MTUS2: variants seen among roughly 807,000 people sequenced by gnomAD.
MTUS2 encodes the protein microtubule associated scaffold protein 2, also known as microtubule-associated tumor suppressor candidate 2.
In MTUS2, 40 loss-of-function variants were observed where a neutral mutation model predicts 114.1. That is an observed-to-expected ratio of 0.35 (90% CI 0.27 to 0.46). The LOEUF is 0.46. Ranked by LOEUF, MTUS2 falls within the 20% of genes least tolerant of loss-of-function variation. MTUS2 has a pLI of 1.00. For synonymous variants in MTUS2, 688 were observed against 672.0 expected, an observed-to-expected ratio of 1.02 and a Z score of -0.37; for missense variants, 1,679 against 1,705.4, an observed-to-expected ratio of 0.98 and a Z score of 0.27.
At chr13:28,909,284 A>G (rs1340028145) in intron 2 of MTUS2, among the ~76,000 whole-genome samples, 1 of 151,612 alleles carries the variant, frequency 6.6e-6, no homozygotes, top group Non-Finnish European at 1.5e-5. Context: ...CTTGGGCAGT[A>G]TGGCCATTTT....
chr13:29,265,351 T>C (rs182952755), intron 5 of MTUS2, among the ~76,000 whole-genome samples: 6 of 152,368 alleles, frequency 3.9e-5, no homozygotes, highest in African/African-American at 1.4e-4. Context: ...TGGGCACAGC[T>C]ATTTCAACGG....
intron 4 of MTUS2, among the ~76,000 whole-genome samples, chr13:29,100,235 G>T (rs1229020625): frequency 2.0e-5 from 3 of 152,206 alleles, no homozygotes; most frequent in Admixed American, 2.0e-4. Flanking sequence ...AGCCTGGCTA[G>T]TTCCACAGTC....
chr13:29,502,957 C>A (rs997957657), intron 15 of MTUS2, 36 bp from the exon 16 acceptor site: 2 of 1,603,462 alleles, frequency 1.2e-6, no homozygotes, highest in Admixed American at 1.7e-5. Flanking sequence ...TGTCCACTAG[C>A]ATGATTGCTA....
intron 2 of MTUS2, among the ~76,000 whole-genome samples, chr13:28,975,856 C>T (rs978819414): frequency 2.0e-5 from 3 of 152,102 alleles, no homozygotes; most frequent in South Asian, 4.2e-4. Flanking sequence ...ACTGTATTTC[C>T]GTTATAAAGA....
At chr13:28,959,492 A>C (rs1159289850) in intron 2 of MTUS2, among the ~76,000 whole-genome samples, 2 of 151,902 alleles carry the variant, frequency 1.3e-5, no homozygotes, top group African/African-American at 4.8e-5. Flanking sequence ...GGTAATTTAT[A>C]AAGAAAGAGG....
intron 3 of MTUS2, among the ~76,000 whole-genome samples, chr13:29,032,073 T>C (rs1315269213): frequency 2.0e-5 from 3 of 152,152 alleles, no homozygotes; most frequent in African/African-American, 7.2e-5. Flanking sequence ...GTTTTATGAC[T>C]GTGCAGCATC....
At chr13:28,989,151 G>C (rs1412460184) in intron 2 of MTUS2, among the ~76,000 whole-genome samples, 3 of 152,180 alleles carry the variant, frequency 2.0e-5, no homozygotes, top group Non-Finnish European at 4.4e-5. Context: ...TGTTGGGCAT[G>C]CTTTATAAAA....
rs536677694 is a variant in MTUS2 at position 29,084,375 on chromosome 13, C to A, written c.2447-16398C>A. 6.6e-3 allele frequency among the ~76,000 whole-genome samples: 993 copies of A among 150,514 alleles called. 12 individuals are homozygous for A. Among genetic ancestry groups the A allele is most frequent in the African/African-American group, 0.022 (918 of 40,904 alleles). ...CCTCCACCCTCCTTAAAAAAAAAAA[C>A]AAAACAACTGTTGTTGTTACTGAGC... On this transcript the variant is annotated intron_variant, in intron 4 of 15. Coordinates refer to ENST00000612955, the MANE Select transcript of MTUS2 (RefSeq NM_001033602.4).
rs200555389 is a variant in MTUS2, at chr13:28,868,424, T to A, written c.-243+28574T>A. 9.9e-5 allele frequency among the ~76,000 whole-genome samples: 15 copies of A among 152,276 alleles called. 2 individuals are homozygous for A. In the East Asian group the frequency reaches 2.9e-3, roughly 29 times the overall value. ...TGCTGGGTTGGCGCCACAGCCTCCA[T>A]GTTATATTGCAGATTCTGGTCACAT... On this transcript the variant is annotated intron_variant, in intron 2 of 15. Transcript: ENST00000612955.
At chr13:28,857,236 T>C (rs936237580) in intron 2 of MTUS2, among the ~76,000 whole-genome samples, 1 of 152,244 alleles carries the variant, frequency 6.6e-6, no homozygotes, top group African/African-American at 2.4e-5. Context: ...ATGAAGATGA[T>C]AGATCTAGAA....
chr13:29,066,108 CT>C (rs1888655264), intron 4 of MTUS2, among the ~76,000 whole-genome samples: 1 of 152,190 alleles, frequency 6.6e-6, no homozygotes, highest in Non-Finnish European at 1.5e-5. Flanking sequence ...TACTTCAACT[CT>C]CTCCAAGGCT....
intron 5 of MTUS2, among the ~76,000 whole-genome samples, chr13:29,124,331 T>C (rs1891428664): frequency 6.6e-6 from 1 of 152,178 alleles, no homozygotes; most frequent in African/African-American, 2.4e-5. Flanking sequence ...TATTACAATA[T>C]AGTATAATAC....
At chr13:28,913,808 T>C (rs1880591452) in intron 2 of MTUS2, among the ~76,000 whole-genome samples, 1 of 152,150 alleles carries the variant, frequency 6.6e-6, no homozygotes, top group Non-Finnish European at 1.5e-5. Context: ...ATTATTGGTC[T>C]ATTCAGGGAT....
chr13:29,048,957 CACT>C (rs1328525582), intron 4 of MTUS2, among the ~76,000 whole-genome samples: 2 of 152,188 alleles, frequency 1.3e-5, no homozygotes, highest in African/African-American at 4.8e-5. Flanking sequence ...AAAGTTATAT[CACT>C]GGGGAAGAGT....
intron 4 of MTUS2, among the ~76,000 whole-genome samples, chr13:29,057,704 T>C (rs146727701): frequency 3.3e-5 from 5 of 152,342 alleles, no homozygotes; most frequent in South Asian, 2.1e-4. Flanking sequence ...ACATCTGAAA[T>C]GGGTCTCTTG....
chr13:28,948,066 C>T (rs992244408), intron 2 of MTUS2, among the ~76,000 whole-genome samples: 33 of 152,260 alleles, frequency 2.2e-4, no homozygotes, highest in African/African-American at 7.2e-4. Flanking sequence ...AGATCATTTT[C>T]AGAGCTAGCA....
intron 11 of MTUS2, chr13:29,490,253 G>C (rs1881965163): frequency 6.6e-6 from 1 of 152,120 alleles, no homozygotes; most frequent in South Asian, 2.1e-4. Flanking sequence ...GGATTTCTTA[G>C]TGACCCTTAC....
intron 2 of MTUS2, among the ~76,000 whole-genome samples, chr13:28,922,162 C>T (rs1881077985): frequency 6.6e-6 from 1 of 152,176 alleles, no homozygotes; most frequent in African/African-American, 2.4e-5. Flanking sequence ...CTCCTGCTGC[C>T]ATGTGAAGAT....
At position 28,984,305 on chromosome 13, in the gene MTUS2, C is replaced by G. The variant is rs1041422975; in HGVS notation, c.-242-40152C>G. ...AGAATCTCTTGGGAAAAATGAGACT[C>G]TAAATTTGTTCCTCTCTCCTTCTAC... On this transcript the variant is annotated intron_variant, in intron 2 of 15. Transcript: ENST00000612955. Among the ~76,000 whole-genome samples the G allele has an allele frequency of 3.9e-5, 6 of 152,294 alleles. No individual in the cohort carries two copies. The South Asian group carries it at 8.3e-4, about 21-fold the overall frequency.
Sources: gnomAD v4.1 joint callset for allele counts (sites outside exome capture counted in the v4.1 genomes callset) on GRCh38, gnomAD v4.1.1 for gene constraint, MANE v1.5 for transcripts, NCBI Gene and HGNC (gene_info 2026-07-23, HGNC 2026-07-21) for gene names.